The following CFAP299 variants were observed in gnomAD, a reference collection of about 807,000 sequenced individuals.
CFAP299 encodes the protein cilia and flagella associated protein 299, also known as cilia- and flagella-associated protein 299.
Under a neutral mutation model 27.0 loss-of-function variants are expected in CFAP299, and 21 were observed. That is an observed-to-expected ratio of 0.78 (90% CI 0.55 to 1.12). The LOEUF is 1.12. Among genes scored for constraint, CFAP299 ranks in the 50% most tolerant of loss-of-function variants. The pLI, the probability that CFAP299 is intolerant of heterozygous loss-of-function variation, is 0.00. For missense variants in CFAP299, 310 were observed against 276.6 expected, an observed-to-expected ratio of 1.12 and a Z score of -0.86; for synonymous variants, 104 against 98.1, an observed-to-expected ratio of 1.06 and a Z score of -0.36.
At chr4:80,710,549 T>C (rs1722097199) in intron 3 of CFAP299, among the ~76,000 whole-genome samples, 2 of 144,010 alleles carry the variant, frequency 1.4e-5, no homozygotes, top group South Asian at 4.6e-4. Flanking sequence ...ATTGATGGCC[T>C]GGGACAAATT....
intron 3 of CFAP299, among the ~76,000 whole-genome samples, chr4:80,708,434 A>AT (rs1372582680): frequency 6.6e-6 from 1 of 152,062 alleles, no homozygotes; most frequent in Non-Finnish European, 1.5e-5. Flanking sequence ...CCAACATTCC[A>AT]TGTGATGCCT....
At chr4:80,439,340 G>T (rs926416790) in intron 2 of CFAP299, among the ~76,000 whole-genome samples, 1 of 152,152 alleles carries the variant, frequency 6.6e-6, no homozygotes. Flanking sequence ...ATTTCCAACT[G>T]AGGTACCAAG....
chr4:80,592,422 A>G (rs751384418), intron 3 of CFAP299, among the ~76,000 whole-genome samples: 4 of 152,222 alleles, frequency 2.6e-5, no homozygotes, highest in Non-Finnish European at 5.9e-5. Flanking sequence ...AACCTTAACA[A>G]GTACCATGGC....
intron 2 of CFAP299, among the ~76,000 whole-genome samples, chr4:80,438,277 G>C (rs1728189717): frequency 6.6e-6 from 1 of 152,130 alleles, no homozygotes; most frequent in African/African-American, 2.4e-5. Flanking sequence ...GTTTGGTGCA[G>C]GTTTGATGAA....
At chr4:80,607,413 A>ATC (rs1737736986) in intron 3 of CFAP299, among the ~76,000 whole-genome samples, 1 of 17,284 alleles carries the variant, frequency 5.8e-5, no homozygotes, top group South Asian at 6.7e-3. Context: ...AGGGTGGAGA[A>ATC]ACAGAGAAAG....
At chr4:80,745,585 G>C (rs1213977644) in intron 3 of CFAP299, among the ~76,000 whole-genome samples, 1 of 151,764 alleles carries the variant, frequency 6.6e-6, no homozygotes, top group Non-Finnish European at 1.5e-5. Flanking sequence ...CAGAAAATGT[G>C]TGAAGATAGC....
chr4:80,492,700 G>T (rs1295503567), intron 2 of CFAP299, among the ~76,000 whole-genome samples: 2 of 152,202 alleles, frequency 1.3e-5, no homozygotes, highest in Non-Finnish European at 2.9e-5. Context: ...AACAGATCAT[G>T]AGACATTCAC....
At chr4:80,886,509 C>A (rs1733978621) in intron 4 of CFAP299, among the ~76,000 whole-genome samples, 1 of 152,168 alleles carries the variant, frequency 6.6e-6, no homozygotes, top group African/African-American at 2.4e-5. Flanking sequence ...TTATCCAAGA[C>A]CACCAACACA....
At chr4:80,397,425 T>G (rs1189007851) in intron 2 of CFAP299, among the ~76,000 whole-genome samples, 1 of 152,180 alleles carries the variant, frequency 6.6e-6, no homozygotes, top group African/African-American at 2.4e-5. Flanking sequence ...TTGTGCTAGC[T>G]TTTGAATGTG....
intron 3 of CFAP299, among the ~76,000 whole-genome samples, chr4:80,741,726 C>T (rs1397548600): frequency 6.6e-6 from 1 of 152,146 alleles, no homozygotes; most frequent in Non-Finnish European, 1.5e-5. Context: ...TACCCTAGTC[C>T]ACTTGTTCTA....
chr4:80,544,791 G>C (rs374087150), intron 2 of CFAP299, among the ~76,000 whole-genome samples: 1 of 152,106 alleles, frequency 6.6e-6, no homozygotes, highest in Non-Finnish European at 1.5e-5. Context: ...CCCAATGACA[G>C]TGTTAGATAT....
At chr4:80,648,074 T>TA (rs1740115288) in intron 3 of CFAP299, among the ~76,000 whole-genome samples, 2 of 152,086 alleles carry the variant, frequency 1.3e-5, no homozygotes, top group African/African-American at 4.8e-5. Flanking sequence ...AAAGGAAAAA[T>TA]GTTTTTAAGA....
intron 3 of CFAP299, among the ~76,000 whole-genome samples, chr4:80,745,009 C>A (rs1012672610): frequency 1.3e-5 from 2 of 152,184 alleles, no homozygotes; most frequent in Non-Finnish European, 1.5e-5. Context: ...AAAAAAATTT[C>A]TAATCTACTC....
At chr4:80,672,794 G>T (rs113149832) in intron 3 of CFAP299, among the ~76,000 whole-genome samples, 10,505 of 152,178 alleles carry the variant, frequency 0.069, 816 homozygotes, top group African/African-American at 0.18. Flanking sequence ...TTTGCATAGA[G>T]GTGTTTATAG....
At chr4:80,931,227 C>T (rs777913300) in intron 4 of CFAP299, among the ~76,000 whole-genome samples, 2 of 152,022 alleles carry the variant, frequency 1.3e-5, no homozygotes, top group Admixed American at 1.3e-4. Context: ...CTTGGCTCCT[C>T]GCCTCACCCT....
chr4:80,322,548 A>G, the CFAP299 span, among the ~76,000 whole-genome samples: 1 of 152,126 alleles, frequency 6.6e-6, no homozygotes, highest in South Asian at 2.1e-4. Context: ...ATACTAAAGC[A>G]GAGTCAAGGG....
At chr4:80,511,833 T>G (rs1380616669) in intron 2 of CFAP299, among the ~76,000 whole-genome samples, 2 of 152,154 alleles carry the variant, frequency 1.3e-5, no homozygotes, top group African/African-American at 4.8e-5. Flanking sequence ...TAACAGGCCC[T>G]CTTCTCTTTA....
intron 2 of CFAP299, among the ~76,000 whole-genome samples, chr4:80,411,801 GACTT>G (rs1455758267): frequency 1.3e-5 from 2 of 151,918 alleles, no homozygotes; most frequent in Admixed American, 6.6e-5. Flanking sequence ...CAATAATTTA[GACTT>G]ATTTTACTTC....
intron 3 of CFAP299, among the ~76,000 whole-genome samples, chr4:80,705,174 C>T (rs1721748410): frequency 6.6e-6 from 1 of 151,748 alleles, no homozygotes; most frequent in South Asian, 2.1e-4. Flanking sequence ...AATAAATTCA[C>T]CCCCAACATT....
Sources: gnomAD v4.1 joint callset for allele counts (sites outside exome capture counted in the v4.1 genomes callset) on GRCh38, gnomAD v4.1.1 for gene constraint, MANE v1.5 for transcripts, NCBI Gene and HGNC (gene_info 2026-07-23, HGNC 2026-07-21) for gene names.